Variants in GSG1L observed in about 807,000 individuals in gnomAD.
The protein encoded by GSG1L is GSG1 like, also known as germ cell-specific gene 1-like protein.
Under a neutral mutation model 42.1 loss-of-function variants are expected in GSG1L, and 24 were observed. The ratio of observed to expected loss-of-function variants is 0.57; its 90% CI spans 0.41 to 0.80. The LOEUF (loss-of-function observed/expected upper bound fraction) is 0.80, where lower values mean the gene tolerates loss of function less well. Among genes scored for constraint, GSG1L ranks in the 30% least tolerant of loss-of-function variants. GSG1L has a pLI of 0.00. For missense variants in GSG1L, 445 were observed against 472.2 expected (o/e 0.94, Z 0.53); for synonymous variants, 215 against 203.5 (o/e 1.06, Z -0.48).
chr16:27,813,147 ATTGCATGTCACGGGGGT>A (rs1211719069), intron 5 of GSG1L, among the ~76,000 whole-genome samples: 2 of 152,060 alleles, frequency 1.3e-5, no homozygotes, highest in Non-Finnish European at 2.9e-5. Context: ...ACAGAGGTAA[ATTGCATGTCACGGGGGT>A]TTGGTGTACA....
At chr16:27,849,488 T>C (rs1315927831) in intron 3 of GSG1L, among the ~76,000 whole-genome samples, 2 of 152,146 alleles carry the variant, frequency 1.3e-5, no homozygotes, top group Non-Finnish European at 2.9e-5. Flanking sequence ...AAGCTGTTTT[T>C]GTTTAGGCTG....
intron 1 of GSG1L, among the ~76,000 whole-genome samples, chr16:27,979,824 AAG>A (rs147059998): frequency 0.44 from 61,960 of 142,028 alleles, 14,106 homozygotes; most frequent in South Asian, 0.58. Context: ...AAAAGAAAGA[AAG>A]AGAGAGAGAG....
intron 6 of GSG1L, among the ~76,000 whole-genome samples, chr16:27,792,825 G>A (rs540169307): frequency 6.6e-6 from 1 of 152,298 alleles, no homozygotes; most frequent in Non-Finnish European, 1.5e-5. Flanking sequence ...AGTGAAGGGG[G>A]GAAGGAAGAA....
chr16:27,791,583 C>A, intron 6 of GSG1L, 116 bp from the exon 7 acceptor site: 1 of 566,084 alleles, frequency 1.8e-6, no homozygotes, highest in African/African-American at 1.9e-5. Context: ...AGGCCTTCTG[C>A]CCATCATGCC....
At chr16:28,002,010 G>C (rs1193169761) in intron 1 of GSG1L, among the ~76,000 whole-genome samples, 1 of 152,130 alleles carries the variant, frequency 6.6e-6, no homozygotes, top group African/African-American at 2.4e-5. Context: ...TCTAACTCTG[G>C]GCCATCTTGC....
intron 3 of GSG1L, among the ~76,000 whole-genome samples, chr16:27,862,521 G>T (rs1402393969): frequency 6.6e-6 from 1 of 152,242 alleles, no homozygotes; most frequent in East Asian, 1.9e-4. Context: ...TAAGAAATGT[G>T]TGTTGTTTTA....
intron 6 of GSG1L, among the ~76,000 whole-genome samples, chr16:27,806,644 T>G (rs1597462952): frequency 1.3e-5 from 2 of 152,082 alleles, no homozygotes; most frequent in Non-Finnish European, 2.9e-5. Context: ...TGGCTGGAGG[T>G]GGGGAAGCCT....
intron 1 of GSG1L, among the ~76,000 whole-genome samples, chr16:27,987,675 G>T (rs1183582185): frequency 6.6e-6 from 1 of 152,108 alleles, no homozygotes; most frequent in Non-Finnish European, 1.5e-5. Context: ...TGGGCTGGTC[G>T]TGGTGGCTCA....
In GSG1L at chr16:28,063,350, G is replaced by T; in HGVS notation, c.75C>A (p.Thr25=). 1 of 1,406,482 alleles carries T rather than the reference G, an allele frequency of 7.1e-7. No individual in the cohort carries two copies. The highest frequency in any genetic ancestry group is 9.3e-7 in the Non-Finnish European group (1 of 1,073,448). 87.1% of individuals were successfully genotyped at this position (1,406,482 alleles called of 1,614,324 possible). A position where few individuals can be genotyped will look rare whatever the true frequency, so the allele number is the denominator to read the frequency against. ...LNLLALLFAT[T]AFLTTHWCQG... is the part of the protein sequence containing the mutation. ...GGCACCAGTGCGTGGTGAGGAAAGCGGTGGTGGCGAACAGCAGCGCCAGCA... is the reference window on the plus strand; with the variant it reads ...GGCACCAGTGCGTGGTGAGGAAAGCTGTGGTGGCGAACAGCAGCGCCAGCA... The change falls in exon 1 of 7, where the codon ACC becomes ACA. Residue 25 remains threonine (T), a synonymous_variant. Transcript: ENST00000447459. This position sits in a 1 kb window ranked among gnomAD's most constrained non-coding sequence, Gnocchi z 5.8.
intron 6 of GSG1L, among the ~76,000 whole-genome samples, chr16:27,806,138 G>T (rs1300920229): frequency 6.6e-6 from 1 of 152,056 alleles, no homozygotes; most frequent in African/African-American, 2.4e-5. Flanking sequence ...TCCATCCCCT[G>T]GTTTCTGATC....
rs111940249 is a variant in GSG1L at position 27,886,472 on chromosome 16, G to A, written c.398-1834C>T. 3.7e-4 allele frequency among the ~76,000 whole-genome samples: 57 copies of A among 152,286 alleles called. 1 individual carries two copies. The highest frequency in any genetic ancestry group is 1.2e-3 in the African/African-American group (51 of 41,572). On this transcript the variant is annotated intron_variant, in intron 2 of 6. Coordinates refer to ENST00000447459, the MANE Select transcript of GSG1L (RefSeq NM_001109763.2). ...AAAAAAATAAAATGGGGGTAATAAC[G>A]CCTGTCTTGCAGTGTTGTGGTGATG...
At chr16:27,957,575 G>A (rs1189394179) in intron 2 of GSG1L, among the ~76,000 whole-genome samples, 2 of 152,118 alleles carry the variant, frequency 1.3e-5, no homozygotes, top group Admixed American at 6.5e-5. Context: ...GCTACCCATC[G>A]AAGGTCTTGG....
At chr16:27,899,218 G>A (rs747479419) in intron 2 of GSG1L, among the ~76,000 whole-genome samples, 16 of 152,218 alleles carry the variant, frequency 1.1e-4, no homozygotes, top group Non-Finnish European at 1.6e-4. Context: ...GGAACATAGC[G>A]GAGAAAAGCA....
rs2083999702 is a variant in GSG1L, at chr16:27,884,292, T to C, written c.550+194A>G. On this transcript the variant is annotated intron_variant, in intron 3 of 6. Coordinates refer to ENST00000447459, the MANE Select transcript of GSG1L (RefSeq NM_001109763.2). This position sits in a 1 kb window ranked among gnomAD's most constrained non-coding sequence, Gnocchi z 4.4. ...TGCTCATTACTATAGCCTTAGTACC[T>C]GGTCTGGTGCTTAGCATGTATTAGA... 6.6e-6 allele frequency among the ~76,000 whole-genome samples: 1 copy of C among 152,234 alleles called. No homozygotes were observed. Among genetic ancestry groups the C allele is most frequent in the Non-Finnish European group, 1.5e-5 (1 of 68,046 alleles).
At chr16:27,877,313 C>T (rs2083900217) in intron 3 of GSG1L, among the ~76,000 whole-genome samples, 2 of 152,100 alleles carry the variant, frequency 1.3e-5, no homozygotes, top group African/African-American at 2.4e-5. Context: ...CTTTTATGGG[C>T]CCTGGGCACT....
rs1356873232 is a variant in GSG1L at position 28,063,023 on chromosome 16, G to A, written c.349+53C>T. ...GTCCGGGGCTCGGGCCTCGATGGCCGCGCCGCCCCGGGGGAGCCGGAGCCG... is the reference window on the plus strand; with the variant it reads ...GTCCGGGGCTCGGGCCTCGATGGCCACGCCGCCCCGGGGGAGCCGGAGCCG... On this transcript the variant is annotated intron_variant, in intron 1 of 6. Transcript: ENST00000447459. The surrounding 1 kb of genome is among the most constrained non-coding windows in gnomAD (Gnocchi z 5.8). 8.3e-6 allele frequency: 11 copies of A among 1,331,602 alleles called. No individual in the cohort carries two copies. Among genetic ancestry groups the A allele is most frequent in the Non-Finnish European group, 7.7e-6 (8 of 1,040,426 alleles). 82.5% of individuals were successfully genotyped at this position (1,331,602 alleles called of 1,614,324 possible).
At chr16:28,018,733 C>T (rs572079878) in intron 1 of GSG1L, among the ~76,000 whole-genome samples, 1 of 152,146 alleles carries the variant, frequency 6.6e-6, no homozygotes, top group South Asian at 2.1e-4. Flanking sequence ...TGTTGATGTC[C>T]TGAGATCAGT....
At chr16:27,878,878 G>A (rs1437932909) in intron 3 of GSG1L, among the ~76,000 whole-genome samples, 1 of 152,240 alleles carries the variant, frequency 6.6e-6, no homozygotes, top group African/African-American at 2.4e-5. Context: ...GGGATTCACA[G>A]CCAAGGAGCA....
At position 28,063,230 on chromosome 16, in the gene GSG1L, G is replaced by A. The variant is rs1447110040; in HGVS notation, c.195C>T (p.Ala65=). The change falls in exon 1 of 7, where the codon GCC becomes GCT. Residue 65 remains alanine (A), a synonymous_variant. Transcript: ENST00000447459. This position sits in a 1 kb window ranked among gnomAD's most constrained non-coding sequence, Gnocchi z 5.8. ...CGGCGGCGGCGGCGGCGGCGGGGGCGGCGGTGCCGTTGGCCGTGGCGTTGG... is the reference window on the plus strand; with the variant it reads ...CGGCGGCGGCGGCGGCGGCGGGGGCAGCGGTGCCGTTGGCCGTGGCGTTGG... ...SGANATANGT[A]APAAAAAAAT... 4.8e-6 allele frequency: 6 copies of A among 1,257,916 alleles called. 1 individual carries two copies. The South Asian group carries it at 1.4e-4, about 30-fold the overall frequency. 77.9% of individuals were successfully genotyped at this position (1,257,916 alleles called of 1,614,324 possible). A position where few individuals can be genotyped will look rare whatever the true frequency, so the allele number is the denominator to read the frequency against.
Sources: allele counts gnomAD v4.1 joint callset (sites outside exome capture counted in the v4.1 genomes callset), GRCh38; gene constraint gnomAD v4.1.1; non-coding constraint Gnocchi (gnomAD v3.1); transcripts MANE v1.5; gene names NCBI Gene and HGNC (gene_info 2026-07-23, HGNC 2026-07-21).